Variants in FAM222B observed in about 807,000 individuals in gnomAD.
FAM222B encodes protein FAM222B.
FAM222B carries 12 observed loss-of-function variants against 38.0 expected under a neutral mutation model. The observed-to-expected ratio is 0.32, with a 90% confidence interval of 0.20 to 0.51. FAM222B has a LOEUF of 0.51. Among genes scored for constraint, FAM222B ranks in the 20% least tolerant of loss-of-function variants. The probability of loss-of-function intolerance (pLI) is 0.97; values close to 1 mark genes in which losing one functional copy is unlikely to be tolerated. For synonymous variants in FAM222B, 329 were observed against 317.2 expected (o/e 1.04, Z -0.40); for missense variants, 716 against 754.2 (o/e 0.95, Z 0.59).
At position 28,759,069 on chromosome 17, in the gene FAM222B, G is replaced by A. The variant is rs765389691; in HGVS notation, c.890C>T (p.Pro297Leu). 1 of 1,612,400 alleles carries A rather than the reference G, an allele frequency of 6.2e-7. No homozygotes were observed. The highest frequency in any genetic ancestry group is 8.5e-7 in the Non-Finnish European group (1 of 1,179,248). The stretch of plus-strand genomic sequence containing the variant: ...ATTGATGAGCAGACTGCGACTAATG[G>A]GGCTGGGGTTGGCGATCTGGCCCTC... ...VCEGQIANPSPISRSLLINAS... is the reference protein window; with the variant it reads ...VCEGQIANPSLISRSLLINAS... Residue 297 changes from proline to leucine, a missense_variant, in exon 3 of 3, where the codon CCC becomes CTC. Coordinates refer to ENST00000581407, the MANE Select transcript of FAM222B (RefSeq NM_001077498.3). The surrounding 1 kb of genome is among the most constrained non-coding windows in gnomAD (Gnocchi z 4.8).
chr17:28,805,008 T>G (rs565251664), intron 1 of FAM222B, among the ~76,000 whole-genome samples: 1 of 151,410 alleles, frequency 6.6e-6, no homozygotes, highest in South Asian at 2.1e-4. Flanking sequence ...ATCACGCCAC[T>G]GCACTCTGGT....
intron 1 of FAM222B, among the ~76,000 whole-genome samples, chr17:28,776,076 A>C (rs1349682640): frequency 7.2e-6 from 1 of 138,674 alleles, no homozygotes; most frequent in Non-Finnish European, 1.6e-5. Context: ...ACTTTGTCTC[A>C]AAAAAAAAAA....
chr17:28,781,323 C>G (rs1321810227), intron 1 of FAM222B, among the ~76,000 whole-genome samples: 3 of 151,732 alleles, frequency 2.0e-5, no homozygotes, highest in Non-Finnish European at 4.4e-5. Context: ...CAAAAACAAA[C>G]AAAAATACCC....
At chr17:28,778,719 A>ATTTTTTTTTTTTTT (rs59098589) in intron 1 of FAM222B, among the ~76,000 whole-genome samples, 2 of 25,494 alleles carry the variant, frequency 7.8e-5, no homozygotes, top group African/African-American at 1.5e-4. Flanking sequence ...ATATATATAT[A>ATTTTTTTTTTTTTT]TTTTTTTTTT....
chr17:28,758,477 G>C lies in FAM222B; in HGVS notation c.1482C>G (p.His494Gln), dbSNP rs1449234065. ...PLDCAAAPGA[H>Q]YRAGTGGGPV... ...GACCGCCCCCGGTCCCTGCTCGGTA[G>C]TGGGCCCCGGGAGCTGCCGCACAGT... is the stretch of plus-strand genomic sequence containing the variant. Residue 494 changes from histidine to glutamine, a missense_variant, in exon 3 of 3, where the codon CAC becomes CAG. Physicochemically the swap from His to Gln is conservative, Grantham distance 24. Transcript: ENST00000581407. 6.2e-7 allele frequency: 1 copy of C among 1,613,236 alleles called. No individual in the cohort carries two copies. The highest frequency in any genetic ancestry group is 8.5e-7 in the Non-Finnish European group (1 of 1,179,790).
chr17:28,844,819 G>A (rs988436460), upstream of FAM222B, among the ~76,000 whole-genome samples: 2 of 151,870 alleles, frequency 1.3e-5, no homozygotes, highest in African/African-American at 4.8e-5. Flanking sequence ...AAAAAATAGT[G>A]GCCAGGCAAG....
intron 1 of FAM222B, chr17:28,812,436 G>A (rs974945782): frequency 2.0e-5 from 3 of 151,996 alleles, no homozygotes; most frequent in Non-Finnish European, 4.4e-5. Flanking sequence ...CCAGCCGGCT[G>A]CCGCTTGCTC....
intron 1 of FAM222B, among the ~76,000 whole-genome samples, chr17:28,810,305 T>C (rs1201598021): frequency 6.6e-6 from 1 of 152,180 alleles, no homozygotes; most frequent in African/African-American, 2.4e-5. Context: ...ACTGGTTTTT[T>C]TGGTCACTTC....
At chr17:28,815,034 A>G (rs550358852) in intron 1 of FAM222B, among the ~76,000 whole-genome samples, 2 of 152,014 alleles carry the variant, frequency 1.3e-5, no homozygotes, top group East Asian at 3.9e-4. Flanking sequence ...TCGCCTCCCA[A>G]AGTGCTGGGA....
At chr17:28,826,772 T>C (rs1052081172) in intron 1 of FAM222B, among the ~76,000 whole-genome samples, 2 of 152,008 alleles carry the variant, frequency 1.3e-5, no homozygotes, top group Non-Finnish European at 2.9e-5. Context: ...GTCTATCTTG[T>C]TTTGTGTACT....
At position 28,759,909 on chromosome 17, in the gene FAM222B, G is replaced by A; in HGVS notation, c.83-33C>T. 2 of 1,493,050 alleles carry A rather than the reference G, an allele frequency of 1.3e-6. No homozygotes were observed. The highest frequency in any genetic ancestry group is 1.8e-6 in the Non-Finnish European group (2 of 1,115,316). The allele number at this position is 1,493,050 out of a possible 1,614,324, so 92.5% of individuals were successfully genotyped here. A position where few individuals can be genotyped will look rare whatever the true frequency, so the allele number is the denominator to read the frequency against. Reference sequence around the variant, plus strand: ...GAGAGAATGGGAAGGAGAGCAAAGAGGGAGAGGGAGCTCATCAGTGCCAAG... The same window carrying A: ...GAGAGAATGGGAAGGAGAGCAAAGAAGGAGAGGGAGCTCATCAGTGCCAAG... On this transcript the variant is annotated intron_variant, in intron 2 of 2. Transcript: ENST00000581407. This position sits in a 1 kb window ranked among gnomAD's most constrained non-coding sequence, Gnocchi z 4.8.
intron 1 of FAM222B, among the ~76,000 whole-genome samples, chr17:28,808,601 A>C (rs2037600083): frequency 6.6e-6 from 1 of 152,198 alleles, no homozygotes. Flanking sequence ...CAAGTCCTCT[A>C]CTTTCAGGAT....
At chr17:28,761,268 TC>T (rs1567790746) in intron 2 of FAM222B, among the ~76,000 whole-genome samples, 1 of 152,208 alleles carries the variant, frequency 6.6e-6, no homozygotes, top group African/African-American at 2.4e-5. Context: ...GATGCCAACC[TC>T]CTGCAAGGGG....
At chr17:28,769,243 G>C (rs564399582) in intron 1 of FAM222B, among the ~76,000 whole-genome samples, 1 of 141,670 alleles carries the variant, frequency 7.1e-6, no homozygotes, top group African/African-American at 2.6e-5. Context: ...GCAGTGGTGC[G>C]ATCTCGGTTC....
chr17:28,774,136 CTTTTGTTTTCTTTTTTT>C (rs1351429881), intron 1 of FAM222B, among the ~76,000 whole-genome samples: 1 of 147,482 alleles, frequency 6.8e-6, no homozygotes, highest in Non-Finnish European at 1.5e-5. Context: ...TTCTATTTTT[CTTTTGTTTTCTTTTTTT>C]TTTTTTTCCT....
chr17:28,839,094 C>G (rs984420669), intron 1 of FAM222B, among the ~76,000 whole-genome samples: 2 of 151,998 alleles, frequency 1.3e-5, no homozygotes, highest in African/African-American at 4.8e-5. Flanking sequence ...GTAGTTCCAG[C>G]TACTAGGGAG....
chr17:28,759,383 C>A lies in FAM222B; in HGVS notation c.576G>T (p.Gln192His). ...QALSHPQSLQ[Q>H]PQGLGHPQPM... is the part of the protein sequence containing the mutation. ...GCTGAGGGTGGCCCAGGCCCTGAGG[C>A]TGCTGGAGGCTCTGAGGGTGGGACA... The change falls in exon 3 of 3, where the codon CAG (glutamine) becomes CAT (histidine). Residue 192 changes from glutamine to histidine, a missense_variant. Gln to His is a conservative substitution (Grantham distance 24). Transcript: ENST00000581407. This position sits in a 1 kb window ranked among gnomAD's most constrained non-coding sequence, Gnocchi z 4.8. 6.2e-7 allele frequency: 1 copy of A among 1,605,272 alleles called. No homozygotes were observed. The highest frequency in any genetic ancestry group is 1.1e-5 in the South Asian group (1 of 90,020).
At chr17:28,829,034 T>G (rs1462013073) in intron 1 of FAM222B, among the ~76,000 whole-genome samples, 1 of 148,924 alleles carries the variant, frequency 6.7e-6, no homozygotes, top group Non-Finnish European at 1.5e-5. Flanking sequence ...GCGTCCCGAG[T>G]AGCTGGGACT....
chr17:28,819,845 G>A (rs1369237820), intron 1 of FAM222B, among the ~76,000 whole-genome samples: 2 of 152,202 alleles, frequency 1.3e-5, no homozygotes, highest in Non-Finnish European at 2.9e-5. Flanking sequence ...TGCTGTGAAA[G>A]CATGTCATTC....
Sources: gnomAD v4.1 joint callset for allele counts (sites outside exome capture counted in the v4.1 genomes callset) on GRCh38, gnomAD v4.1.1 for gene constraint, Gnocchi (gnomAD v3.1) non-coding constraint, MANE v1.5 for transcripts, NCBI Gene and HGNC (gene_info 2026-07-23, HGNC 2026-07-21) for gene names.